The following MBD5 variants were observed in gnomAD, a reference collection of about 807,000 sequenced individuals.
The protein encoded by MBD5 is methyl-CpG binding domain protein 5, also known as methyl-CpG-binding domain protein 5.
In MBD5, 13 loss-of-function variants were observed where a neutral mutation model predicts 117.3. The ratio of observed to expected loss-of-function variants is 0.11; its 90% CI spans 0.07 to 0.18. MBD5 has a LOEUF of 0.18. Among genes scored for constraint, MBD5 ranks in the 10% least tolerant of loss-of-function variants. The pLI is 1.00. For synonymous variants in MBD5, 727 were observed against 766.4 expected (o/e 0.95, Z 0.85); for missense variants, 1,879 against 2,093.8 (o/e 0.90, Z 2.00).
At position 148,483,619 on chromosome 2, in the gene MBD5, C is replaced by G. The variant is rs1681237717; in HGVS notation, c.3028C>G (p.Leu1010Val). The part of the protein sequence containing the change: ...AAMLPLPSFN[L>V]TISDLLQQQN... Reference sequence around the variant, plus strand: ...CATGCTTCCCCTGCCATCTTTCAATCTGACCATCTCAGATCTTTTGCAACA... The same window carrying G: ...CATGCTTCCCCTGCCATCTTTCAATGTGACCATCTCAGATCTTTTGCAACA... The change falls in exon 9 of 14, where the codon CTG becomes GTG. Residue 1010 changes from leucine to valine, a missense_variant. Physicochemically the swap from Leu to Val is conservative, Grantham distance 32 (BLOSUM62 1). This residue lies in a region of MBD5 where 1,666 missense variants were observed against 1,792.2 expected (regional missense o/e 0.93). Coordinates refer to ENST00000642680, the MANE Select transcript of MBD5 (RefSeq NM_001378120.1). The G allele has an allele frequency of 6.4e-7, 1 of 1,552,656 alleles. No homozygotes were observed. Among genetic ancestry groups the G allele is most frequent in the Non-Finnish European group, 8.7e-7 (1 of 1,147,796 alleles).
chr2:148,021,390 CCTCTT>C lies in MBD5; in HGVS notation c.-1218_-1214del. ...CTCGCCTCCCTCCCTCCACCCTCCTCCTCTTTGGCCGTGAGAGGAGGAGAGAAAGA... is the reference window on the plus strand; with the variant it reads ...CTCGCCTCCCTCCCTCCACCCTCCTCTGGCCGTGAGAGGAGGAGAGAAAGA... On this transcript the variant is annotated 5_prime_UTR_variant, in exon 1 of 14. Coordinates refer to ENST00000642680, the MANE Select transcript of MBD5 (RefSeq NM_001378120.1). 1 of 497,500 alleles carries C rather than the reference CCTCTT, an allele frequency of 2.0e-6. No homozygotes were observed. The highest frequency in any genetic ancestry group is 4.0e-6 in the Non-Finnish European group (1 of 252,948). The allele number at this position is 497,500 out of a possible 1,614,324, so 30.8% of individuals were successfully genotyped here.
chr2:148,363,526 C>G (rs1046830753), intron 4 of MBD5, among the ~76,000 whole-genome samples: 1 of 152,138 alleles, frequency 6.6e-6, no homozygotes, highest in South Asian at 2.1e-4. Flanking sequence ...AGCCACCACA[C>G]GCAGCCTCTG....
At chr2:148,400,663 A>G (rs1187156197) in intron 4 of MBD5, among the ~76,000 whole-genome samples, 1 of 152,216 alleles carries the variant, frequency 6.6e-6, no homozygotes, top group African/African-American at 2.4e-5. Context: ...CCATTGTAAC[A>G]TAAGCTCTGA....
Position 148,489,506 on chromosome 2 carries a change from T to C in MBD5, c.3874T>C (p.Leu1292=), listed in dbSNP as rs959320564. The C allele has an allele frequency of 1.9e-6, 3 of 1,614,018 alleles. No individual in the cohort carries two copies. The highest frequency in any genetic ancestry group is 2.7e-5 in the African/African-American group (2 of 74,900). Residue 1292 remains leucine (L), a synonymous_variant, in exon 11 of 14, where the codon TTG becomes CTG. Coordinates refer to ENST00000642680, the MANE Select transcript of MBD5 (RefSeq NM_001378120.1). ...LPPFQDTPCE[L]QPRIDPSLGQ... ...ACCTTTTCAAGATACACCTTGTGAGTTGCAACCGAGGATTGACCCATCTCT... is the reference window on the plus strand; with the variant it reads ...ACCTTTTCAAGATACACCTTGTGAGCTGCAACCGAGGATTGACCCATCTCT...
intron 1 of MBD5, among the ~76,000 whole-genome samples, chr2:148,172,737 C>T (rs1011539234): frequency 1.3e-5 from 2 of 152,178 alleles, no homozygotes; most frequent in African/African-American, 4.8e-5. Context: ...TGCCCATGGA[C>T]CAGTCACCAT....
intron 4 of MBD5, among the ~76,000 whole-genome samples, chr2:148,355,096 T>G (rs539596535): frequency 4.6e-5 from 7 of 151,832 alleles, no homozygotes; most frequent in Non-Finnish European, 1.0e-4. Context: ...GTTCATATCC[T>G]TTGCCCACTT....
At chr2:148,408,422 G>A (rs1705147109) in intron 4 of MBD5, among the ~76,000 whole-genome samples, 1 of 152,118 alleles carries the variant, frequency 6.6e-6, no homozygotes, top group Admixed American at 6.5e-5. Flanking sequence ...TTCAATGTTA[G>A]CATCAAGGTT....
In MBD5 at chr2:148,483,734, C is replaced by G. The variant is rs1681242454; in HGVS notation, c.3143C>G (p.Thr1048Ser). The change falls in exon 9 of 14, where the codon ACC (threonine) becomes AGC (serine). Residue 1048 changes from threonine to serine, a missense_variant. By Grantham distance (58) the Thr-to-Ser change is moderately conservative. Around this residue, in one of 4 missense-constraint regions of MBD5, gnomAD observed 1,666 missense variants for 1,792.2 expected, o/e 0.93. Transcript: ENST00000642680. ...SNQSDNSRAETLLTSPLGNPL... is the reference protein window; with the variant it reads ...SNQSDNSRAESLLTSPLGNPL... ...CAGTCAGACAACAGCCGAGCTGAGA[C>G]CCTTTTAACCAGCCCCCTGGGGAAC... 9 of 1,550,590 alleles carry G rather than the reference C, an allele frequency of 5.8e-6. No individual in the cohort carries two copies. Among genetic ancestry groups the G allele is most frequent in the Non-Finnish European group, 7.8e-6 (9 of 1,146,964 alleles).
chr2:148,258,239 G>A (rs946685013), intron 3 of MBD5, among the ~76,000 whole-genome samples: 1 of 152,144 alleles, frequency 6.6e-6, no homozygotes, highest in Non-Finnish European at 1.5e-5. Context: ...CATGTAAAAT[G>A]TCCACCCCCA....
intron 1 of MBD5, among the ~76,000 whole-genome samples, chr2:148,132,805 T>G (rs1480765347): frequency 6.6e-6 from 1 of 152,224 alleles, no homozygotes; most frequent in Non-Finnish European, 1.5e-5. Context: ...TGCTGAAATA[T>G]TAAAAATTGA....
At chr2:148,068,791 T>C (rs1695275258) in intron 1 of MBD5, among the ~76,000 whole-genome samples, 1 of 152,246 alleles carries the variant, frequency 6.6e-6, no homozygotes, top group Non-Finnish European at 1.5e-5. Context: ...CACTCTTCAC[T>C]ATATTATTGT....
chr2:148,403,975 A>G (rs746347489), intron 4 of MBD5, among the ~76,000 whole-genome samples: 8 of 152,150 alleles, frequency 5.3e-5, no homozygotes, highest in Middle Eastern at 3.2e-3. Context: ...AAATGAAATT[A>G]TAGAGTATAT....
chr2:148,226,701 A>G (rs1053220179), intron 2 of MBD5, among the ~76,000 whole-genome samples: 2 of 152,152 alleles, frequency 1.3e-5, no homozygotes, highest in African/African-American at 4.8e-5. Flanking sequence ...GACTTCCACA[A>G]TGGTTGAACT....
chr2:148,158,643 A>C (rs1359019748), intron 1 of MBD5, among the ~76,000 whole-genome samples: 3 of 152,242 alleles, frequency 2.0e-5, no homozygotes, highest in Non-Finnish European at 2.9e-5. Flanking sequence ...AAAGATATTG[A>C]ATATTTACCA....
intron 4 of MBD5, among the ~76,000 whole-genome samples, chr2:148,454,735 T>C (rs1165953010): frequency 6.6e-6 from 1 of 152,124 alleles, no homozygotes; most frequent in African/African-American, 2.4e-5. Context: ...TAAGCAAAAA[T>C]GACAAAATGT....
At chr2:148,399,084 A>C (rs112069959) in intron 4 of MBD5, among the ~76,000 whole-genome samples, 80,540 of 151,066 alleles carry the variant, frequency 0.53, 21,552 homozygotes, top group East Asian at 0.75. Flanking sequence ...AGTCAGGTAG[A>C]GTGATGCCTC....
intron 7 of MBD5, among the ~76,000 whole-genome samples, chr2:148,464,681 A>G (rs1294818466): frequency 6.6e-6 from 1 of 151,844 alleles, no homozygotes; most frequent in Non-Finnish European, 1.5e-5. Flanking sequence ...AGTCTTGACC[A>G]GGTGCAGTGG....
At chr2:148,039,512 G>C (rs556177537) in intron 1 of MBD5, among the ~76,000 whole-genome samples, 7 of 152,206 alleles carry the variant, frequency 4.6e-5, no homozygotes, top group African/African-American at 1.4e-4. Flanking sequence ...AAGAAAACTC[G>C]AGGCTTAAAA....
intron 12 of MBD5, among the ~76,000 whole-genome samples, chr2:148,508,109 T>G (rs1225842371): frequency 1.3e-5 from 2 of 152,140 alleles, no homozygotes; most frequent in Non-Finnish European, 2.9e-5. Context: ...CCAAGCAGCC[T>G]GCAAAAGGGG....
Sources: gnomAD v4.1 joint callset for allele counts (sites outside exome capture counted in the v4.1 genomes callset) on GRCh38, gnomAD v4.1.1 for gene constraint, gnomAD v4.1.1 regional missense constraint, MANE v1.5 for transcripts, NCBI Gene and HGNC (gene_info 2026-07-23, HGNC 2026-07-21) for gene names.